BRSK2: variants seen among roughly 807,000 people sequenced by gnomAD.
BRSK2 encodes the protein BR serine/threonine kinase 2, also known as serine/threonine-protein kinase BRSK2.
In BRSK2, 19 loss-of-function variants were observed where a neutral mutation model predicts 83.3. The ratio of observed to expected loss-of-function variants is 0.23; its 90% CI spans 0.16 to 0.33. The LOEUF (loss-of-function observed/expected upper bound fraction) is 0.33. Among genes scored for constraint, BRSK2 ranks in the 10% least tolerant of loss-of-function variants. The pLI, the probability that BRSK2 is intolerant of heterozygous loss-of-function variation, is 1.00. For synonymous variants in BRSK2, 519 were observed against 435.4 expected, an observed-to-expected ratio of 1.19 and a Z score of -2.39; for missense variants, 798 against 1,042.3, an observed-to-expected ratio of 0.77 and a Z score of 3.23.
Position 1,454,217 on chromosome 11 carries a change from G to C in BRSK2, c.1545-268G>C, listed in dbSNP as rs943081610. The C allele has an allele frequency of 3.1e-6, 1 of 321,586 alleles. No homozygotes were observed. Among genetic ancestry groups the C allele is most frequent in the South Asian group, 3.5e-5 (1 of 28,794 alleles). 19.9% of individuals were successfully genotyped at this position (321,586 alleles called of 1,614,324 possible). On this transcript the variant is annotated intron_variant, in intron 15 of 19. Transcript: ENST00000528841. The surrounding 1 kb of genome is among the most constrained non-coding windows in gnomAD (Gnocchi z 5.2). ...GGGGCATCCCCAGACTTGGGAGTGGGTGGCATATGGGCCAGGGTCAGGGCG... is the reference window on the plus strand; with the variant it reads ...GGGGCATCCCCAGACTTGGGAGTGGCTGGCATATGGGCCAGGGTCAGGGCG...
At chr11:1,414,548 T>C (rs1847890643) in intron 1 of BRSK2, among the ~76,000 whole-genome samples, 1 of 152,252 alleles carries the variant, frequency 6.6e-6, no homozygotes, top group Non-Finnish European at 1.5e-5. Flanking sequence ...GGAAATGGCA[T>C]GTATTTTATC....
rs1438930772 is a variant in BRSK2, at chr11:1,460,793, C to T, written c.*70C>T. 30 of 1,468,344 alleles carry T rather than the reference C, an allele frequency of 2.0e-5. No individual in the cohort carries two copies. The highest frequency in any genetic ancestry group is 2.3e-4 in the Middle Eastern group (1 of 4,430). The allele number at this position is 1,468,344 out of a possible 1,614,324, so 91.0% of individuals were successfully genotyped here. ...TCGCCGCCCGCCGCCCGCCCTGCCC[C>T]GAGTGGACCCGCGGCCGCGCCGCCC... On this transcript the variant is annotated 3_prime_UTR_variant, in exon 20 of 20. Coordinates refer to ENST00000528841, the MANE Select transcript of BRSK2 (RefSeq NM_001256627.2).
At chr11:1,456,257 G>C in intron 16 of BRSK2, 91 bp from the exon 17 acceptor site, 1 of 1,319,400 alleles carries the variant, frequency 7.6e-7, no homozygotes, top group Non-Finnish European at 1.0e-6. Context: ...ATGTGTGCAC[G>C]GTGGGGCTGG....
At chr11:1,418,081 C>T (rs1848279192) in intron 1 of BRSK2, among the ~76,000 whole-genome samples, 1 of 144,080 alleles carries the variant, frequency 6.9e-6, no homozygotes, top group Non-Finnish European at 1.5e-5. Flanking sequence ...TGTTTCTTCT[C>T]TTGAGAGTGG....
Position 1,438,494 on chromosome 11 carries a change from G to T in BRSK2, c.272+103G>T. 9.6e-7 allele frequency: 1 copy of T among 1,046,934 alleles called. No homozygotes were observed. Among genetic ancestry groups the T allele is most frequent in the South Asian group, 1.4e-5 (1 of 71,850 alleles). 64.9% of individuals were successfully genotyped at this position (1,046,934 alleles called of 1,614,324 possible). ...GGGAGCACAGGGGCTGGAGGCCAGG[G>T]GCGCCTGCTGCATCCCAGCAGCCCT... On this transcript the variant is annotated intron_variant, in intron 3 of 19. Transcript: ENST00000528841. The surrounding 1 kb of genome is among the most constrained non-coding windows in gnomAD (Gnocchi z 6.4).
intron 14 of BRSK2, 143 bp from the exon 15 acceptor site, chr11:1,451,228 G>A: frequency 1.1e-6 from 1 of 922,988 alleles, no homozygotes; most frequent in South Asian, 1.4e-5. Context: ...CCGGGAGCTG[G>A]GGTGGACCAG....
chr11:1,442,725 C>T, intron 5 of BRSK2, 119 bp downstream of exon 5: 1 of 808,530 alleles, frequency 1.2e-6, no homozygotes, highest in Non-Finnish European at 2.0e-6. Flanking sequence ...CAGGCAGGCC[C>T]CCCACAATGT....
intron 1 of BRSK2, among the ~76,000 whole-genome samples, chr11:1,416,745 G>A (rs1848133081): frequency 1.3e-5 from 2 of 152,190 alleles, no homozygotes; most frequent in Admixed American, 1.3e-4. Context: ...GTGTTTCGCA[G>A]TGACCCACCT....
intron 1 of BRSK2, among the ~76,000 whole-genome samples, chr11:1,415,698 C>A (rs1848026280): frequency 6.6e-6 from 1 of 152,248 alleles, no homozygotes; most frequent in African/African-American, 2.4e-5. Flanking sequence ...TGCTCTGCCC[C>A]CTTGGGTCCC....
chr11:1,415,657 G>A (rs1190259033), intron 1 of BRSK2, among the ~76,000 whole-genome samples: 2 of 152,232 alleles, frequency 1.3e-5, no homozygotes, highest in Non-Finnish European at 2.9e-5. Context: ...GGTCCCTGCT[G>A]GATAGCTGGC....
chr11:1,390,405 C>T lies in BRSK2; in HGVS notation c.91+30C>T, dbSNP rs1219322157. 1 of 963,278 alleles carries T rather than the reference C, an allele frequency of 1.0e-6. No homozygotes were observed. 59.7% of individuals were successfully genotyped at this position (963,278 alleles called of 1,614,324 possible). On this transcript the variant is annotated intron_variant, in intron 1 of 19. Transcript: ENST00000528841. The surrounding 1 kb of genome is among the most constrained non-coding windows in gnomAD (Gnocchi z 6.8). ...GTGCGGCCGGGGCGGGGACCGGGGC[C>T]GGGGAGGCCGCGCTGGCAGCGCGCT...
chr11:1,428,740 ATG>A (rs1364804924), intron 1 of BRSK2, among the ~76,000 whole-genome samples: 1 of 152,094 alleles, frequency 6.6e-6, no homozygotes, highest in East Asian at 1.9e-4. Context: ...GTTTGTACGT[ATG>A]TGTGCATGAT....
At chr11:1,443,160 G>C in intron 6 of BRSK2, 21 bp downstream of exon 6, 2 of 1,537,518 alleles carry the variant, frequency 1.3e-6, no homozygotes, top group Non-Finnish European at 8.7e-7. Context: ...GCCGCCGCGT[G>C]CAGCTCTGTG....
chr11:1,459,712 C>T (rs1847167555), intron 19 of BRSK2, among the ~76,000 whole-genome samples: 1 of 152,202 alleles, frequency 6.6e-6, no homozygotes. Flanking sequence ...CACAGGGCCC[C>T]AAGAAGGGTG....
intron 12 of BRSK2, chr11:1,447,697 C>A (rs941591263): frequency 1.0e-5 from 11 of 1,073,074 alleles, no homozygotes; most frequent in Middle Eastern, 1.9e-4. Flanking sequence ...GGCCTCAGAG[C>A]CACGTGGAGT....
chr11:1,392,987 T>A (rs1845823467), intron 1 of BRSK2, among the ~76,000 whole-genome samples: 1 of 152,152 alleles, frequency 6.6e-6, no homozygotes, highest in African/African-American at 2.4e-5. Flanking sequence ...CGCCGGCTGC[T>A]TGGTGGTTTC....
At chr11:1,399,052 C>T (rs1013683882) in intron 1 of BRSK2, among the ~76,000 whole-genome samples, 4 of 152,166 alleles carry the variant, frequency 2.6e-5, no homozygotes, top group African/African-American at 7.2e-5. Flanking sequence ...GGAATGACTC[C>T]GTCCCTTCCA....
chr11:1,394,989 T>G (rs1178964280), intron 1 of BRSK2, among the ~76,000 whole-genome samples: 1 of 151,628 alleles, frequency 6.6e-6, no homozygotes, highest in Non-Finnish European at 1.5e-5. Context: ...AGATGGGTCC[T>G]GGAGATGGGC....
intron 16 of BRSK2, among the ~76,000 whole-genome samples, chr11:1,455,590 G>A (rs966155678): frequency 2.6e-5 from 4 of 152,018 alleles, no homozygotes; most frequent in South Asian, 2.1e-4. Context: ...AGAGCCCAGC[G>A]CTGGGCAGGG....
Sources: gnomAD v4.1 joint callset for allele counts (sites outside exome capture counted in the v4.1 genomes callset) on GRCh38, gnomAD v4.1.1 for gene constraint, Gnocchi (gnomAD v3.1) non-coding constraint, MANE v1.5 for transcripts, NCBI Gene and HGNC (gene_info 2026-07-23, HGNC 2026-07-21) for gene names.